CACNB2: variants seen among roughly 807,000 people sequenced by gnomAD.
CACNB2 encodes the protein calcium voltage-gated channel auxiliary subunit beta 2.
In CACNB2, 42 loss-of-function variants were observed where a neutral mutation model predicts 73.3. That is an observed-to-expected ratio of 0.57 (90% confidence interval 0.45 to 0.74). The LOEUF is 0.74. Ranked by LOEUF, CACNB2 falls within the 30% of genes least tolerant of loss-of-function variation. The pLI, the probability that CACNB2 is intolerant of heterozygous loss-of-function variation, is 0.00. For missense variants in CACNB2, 940 were observed against 853.0 expected, an observed-to-expected ratio of 1.10 and a Z score of -1.27; for synonymous variants, 348 against 310.3, an observed-to-expected ratio of 1.12 and a Z score of -1.28.
At chr10:18,300,632 C>T (rs1323544667) in intron 2 of CACNB2, among the ~76,000 whole-genome samples, 3 of 152,014 alleles carry the variant, frequency 2.0e-5, no homozygotes, top group Admixed American at 6.6e-5. Flanking sequence ...GGGTGAATCA[C>T]GAGGTCAGGA....
intron 3 of CACNB2, among the ~76,000 whole-genome samples, chr10:18,405,596 T>C (rs1392114578): frequency 6.6e-6 from 1 of 152,184 alleles, no homozygotes; most frequent in Non-Finnish European, 1.5e-5. Flanking sequence ...TCAAAAACGA[T>C]GCCTTCTGCC....
At chr10:18,272,665 T>C (rs1468622574) in intron 2 of CACNB2, among the ~76,000 whole-genome samples, 1 of 152,140 alleles carries the variant, frequency 6.6e-6, no homozygotes, top group Non-Finnish European at 1.5e-5. Context: ...CAATATCTGA[T>C]GGTTTTATAA....
At chr10:18,421,288 T>C (rs1356564353) in intron 3 of CACNB2, among the ~76,000 whole-genome samples, 1 of 151,846 alleles carries the variant, frequency 6.6e-6, no homozygotes, top group Non-Finnish European at 1.5e-5. Flanking sequence ...AGTGTGGTTT[T>C]TTTTGTTTTT....
intron 3 of CACNB2, among the ~76,000 whole-genome samples, chr10:18,482,745 C>T (rs1199051632): frequency 6.6e-6 from 1 of 152,122 alleles, no homozygotes. Flanking sequence ...CTCCTTACCT[C>T]AGGTGATCCG....
chr10:18,379,666 C>G (rs2042934989), intron 2 of CACNB2, among the ~76,000 whole-genome samples: 1 of 152,170 alleles, frequency 6.6e-6, no homozygotes, highest in African/African-American at 2.4e-5. Context: ...TCACCACTCC[C>G]CAGCCCCAGC....
At chr10:18,245,213 C>G (rs983931031) in intron 2 of CACNB2, among the ~76,000 whole-genome samples, 2 of 152,100 alleles carry the variant, frequency 1.3e-5, no homozygotes, top group Non-Finnish European at 2.9e-5. Flanking sequence ...CAAACACATA[C>G]AGGCACACAG....
At chr10:18,398,910 C>T (rs1242262228) in intron 2 of CACNB2, among the ~76,000 whole-genome samples, 1 of 152,092 alleles carries the variant, frequency 6.6e-6, no homozygotes, top group Non-Finnish European at 1.5e-5. Context: ...AAACAGGTCT[C>T]AAAGTGACTA....
At chr10:18,243,487 T>C (rs1372435629) in intron 2 of CACNB2, among the ~76,000 whole-genome samples, 1 of 152,146 alleles carries the variant, frequency 6.6e-6, no homozygotes, top group Non-Finnish European at 1.5e-5. Context: ...GTGGCTTGGA[T>C]GTAGTTCGTG....
intron 2 of CACNB2, among the ~76,000 whole-genome samples, chr10:18,374,974 A>T (rs1267567502): frequency 2.0e-5 from 3 of 152,172 alleles, no homozygotes; most frequent in Non-Finnish European, 4.4e-5. Context: ...CCTAAGATTT[A>T]GCCTAAGGAG....
At chr10:18,536,561 C>CAGAACTGGCATTATATTTTGAAA (rs2053624288) in intron 12 of CACNB2, among the ~76,000 whole-genome samples, 1 of 151,840 alleles carries the variant, frequency 6.6e-6, no homozygotes, top group African/African-American at 2.4e-5. Context: ...CATGCCTGGC[C>CAGAACTGGCATTATATTTTGAAA]AGAACTGGCA....
chr10:18,343,767 G>A (rs1272216573), intron 2 of CACNB2, among the ~76,000 whole-genome samples: 2 of 152,180 alleles, frequency 1.3e-5, no homozygotes, highest in Non-Finnish European at 2.9e-5. Flanking sequence ...CTTGTGAAGT[G>A]TGACTTCTAA....
At chr10:18,381,888 C>T (rs2043034687) in intron 2 of CACNB2, among the ~76,000 whole-genome samples, 1 of 151,930 alleles carries the variant, frequency 6.6e-6, no homozygotes. Context: ...CAAAACCCTG[C>T]TGGCCATAGC....
At chr10:18,509,380 A>C (rs1306168940) in intron 6 of CACNB2, among the ~76,000 whole-genome samples, 1 of 152,230 alleles carries the variant, frequency 6.6e-6, no homozygotes, top group African/African-American at 2.4e-5. Flanking sequence ...CCCACTTGAC[A>C]TCTGGGCATT....
chr10:18,347,163 T>C (rs938282892), intron 2 of CACNB2, among the ~76,000 whole-genome samples: 6 of 151,502 alleles, frequency 4.0e-5, no homozygotes, highest in Non-Finnish European at 7.4e-5. Context: ...AAGAACAAGA[T>C]TTTATTTTAT....
chr10:18,508,144 T>G (rs758810016), intron 6 of CACNB2, among the ~76,000 whole-genome samples: 2 of 150,824 alleles, frequency 1.3e-5, no homozygotes, highest in African/African-American at 2.4e-5. Flanking sequence ...TATATAGAAT[T>G]CCAAGTTCTA....
In CACNB2 at chr10:18,542,325, A is replaced by T. The variant is rs2054103402; in HGVS notation, c.*2601A>T. ...GAGTATAAAATCAGTAGTCATAATA[A>T]ACTTGACAATTCTTACATTGGTAGG... is the stretch of plus-strand genomic sequence containing the variant. On this transcript the variant is annotated 3_prime_UTR_variant, in exon 14 of 14. Transcript: ENST00000324631. The T allele has an allele frequency of 6.6e-6, 1 of 152,258 alleles. No individual in the cohort carries two copies. 9.4% of individuals were successfully genotyped at this position (152,258 alleles called of 1,614,324 possible). A position where few individuals can be genotyped will look rare whatever the true frequency, so the allele number is the denominator to read the frequency against.
At chr10:18,508,988 TA>T (rs922140984) in intron 6 of CACNB2, among the ~76,000 whole-genome samples, 6 of 152,230 alleles carry the variant, frequency 3.9e-5, no homozygotes, top group Non-Finnish European at 5.9e-5. Flanking sequence ...AAGAGTGTAA[TA>T]TTTAAAAAGG....
intron 2 of CACNB2, among the ~76,000 whole-genome samples, chr10:18,224,958 T>C (rs2035934129): frequency 6.6e-6 from 1 of 152,216 alleles, no homozygotes; most frequent in African/African-American, 2.4e-5. Context: ...AGGATGAGCC[T>C]AGTGTGGACA....
chr10:18,213,560 T>C (rs765231699), intron 2 of CACNB2, among the ~76,000 whole-genome samples: 6 of 152,200 alleles, frequency 3.9e-5, no homozygotes, highest in Non-Finnish European at 8.8e-5. Flanking sequence ...TTTTCCTACT[T>C]CTTTCCATAA....
Sources: gnomAD v4.1 joint callset for allele counts (sites outside exome capture counted in the v4.1 genomes callset) on GRCh38, gnomAD v4.1.1 for gene constraint, MANE v1.5 for transcripts, NCBI Gene and HGNC (gene_info 2026-07-23, HGNC 2026-07-21) for gene names.